PTPRM: variants seen among roughly 807,000 people sequenced by gnomAD.
PTPRM encodes the protein protein tyrosine phosphatase receptor type M.
A neutral mutation model predicts 186.7 loss-of-function variants in PTPRM; 47 were observed. That is an observed-to-expected ratio of 0.25 (90% CI 0.20 to 0.32). The LOEUF is 0.32. Among genes scored for constraint, PTPRM ranks in the 10% least tolerant of loss-of-function variants. PTPRM has a pLI of 1.00. For synonymous variants in PTPRM, 668 were observed against 674.9 expected (o/e 0.99, Z 0.16); for missense variants, 1,494 against 1,865.0 (o/e 0.80, Z 3.66).
At chr18:7,595,849 A>G (rs969457301) in intron 1 of PTPRM, among the ~76,000 whole-genome samples, 2 of 152,194 alleles carry the variant, frequency 1.3e-5, no homozygotes, top group African/African-American at 2.4e-5. Flanking sequence ...TTATTTACGT[A>G]GAACAAATCA....
chr18:7,978,278 T>C (rs79735308), intron 7 of PTPRM, among the ~76,000 whole-genome samples: 3,241 of 152,224 alleles, frequency 0.021, 42 homozygotes, highest in African/African-American at 0.044. Flanking sequence ...CATACAGATA[T>C]AAGCTGACAG....
intron 7 of PTPRM, among the ~76,000 whole-genome samples, chr18:8,067,476 T>G (rs1217158071): frequency 1.3e-5 from 2 of 152,240 alleles, no homozygotes; most frequent in Admixed American, 6.5e-5. Context: ...ACTCACGATT[T>G]CTTGGAGGAG....
chr18:8,370,448 A>G (rs1415030324), intron 23 of PTPRM, among the ~76,000 whole-genome samples: 1 of 152,240 alleles, frequency 6.6e-6, no homozygotes, highest in East Asian at 1.9e-4. Flanking sequence ...CAGAAAAAAT[A>G]TAATTCTAAT....
At chr18:8,344,474 A>ATATATCTC (rs1318982857) in intron 23 of PTPRM, among the ~76,000 whole-genome samples, 2 of 147,292 alleles carry the variant, frequency 1.4e-5, no homozygotes, top group African/African-American at 5.2e-5. Context: ...ATATATATAT[A>ATATATCTC]TCTAGCAAAA....
chr18:7,662,101 T>C, intron 1 of PTPRM, among the ~76,000 whole-genome samples: 1 of 143,644 alleles, frequency 7.0e-6, no homozygotes, highest in South Asian at 2.2e-4. Flanking sequence ...TGGCTAAATT[T>C]TTTTTTGTAT....
At chr18:7,796,455 T>A (rs2043653595) in intron 2 of PTPRM, among the ~76,000 whole-genome samples, 1 of 152,214 alleles carries the variant, frequency 6.6e-6, no homozygotes, top group Admixed American at 6.5e-5. Context: ...GTACACTTTT[T>A]ACCCTGCCTT....
chr18:7,875,624 A>G (rs1445217330), intron 2 of PTPRM, among the ~76,000 whole-genome samples: 2 of 152,146 alleles, frequency 1.3e-5, no homozygotes, highest in East Asian at 1.9e-4. Flanking sequence ...GTGCCCGGCC[A>G]ACATGCACCA....
At chr18:8,275,465 A>T (rs1175830870) in intron 19 of PTPRM, among the ~76,000 whole-genome samples, 1 of 152,146 alleles carries the variant, frequency 6.6e-6, no homozygotes, top group African/African-American at 2.4e-5. Context: ...AAAGACTTCA[A>T]TGGTTCCAGG....
At chr18:7,952,816 G>A (rs959183325) in intron 6 of PTPRM, among the ~76,000 whole-genome samples, 8 of 152,280 alleles carry the variant, frequency 5.3e-5, no homozygotes, top group African/African-American at 1.7e-4. Flanking sequence ...GACCAGCCCG[G>A]CCAACATGGT....
At chr18:7,979,202 C>T (rs1360441432) in intron 7 of PTPRM, among the ~76,000 whole-genome samples, 1 of 152,128 alleles carries the variant, frequency 6.6e-6, no homozygotes, top group African/African-American at 2.4e-5. Flanking sequence ...TTGTTCTGGC[C>T]ACCTTTGTCT....
At chr18:7,984,920 T>TGC (rs2082794866) in intron 7 of PTPRM, among the ~76,000 whole-genome samples, 1 of 105,430 alleles carries the variant, frequency 9.5e-6, no homozygotes, top group Non-Finnish European at 1.9e-5. Flanking sequence ...TAATTATATA[T>TGC]ACATATATAA....
At chr18:8,218,448 C>G (rs1215527575) in intron 14 of PTPRM, among the ~76,000 whole-genome samples, 2 of 152,094 alleles carry the variant, frequency 1.3e-5, no homozygotes, top group Non-Finnish European at 2.9e-5. Flanking sequence ...GACACTGTGC[C>G]TTGTGGAAGA....
intron 7 of PTPRM, among the ~76,000 whole-genome samples, chr18:8,064,572 G>C (rs1410537328): frequency 6.6e-6 from 1 of 152,052 alleles, no homozygotes; most frequent in Non-Finnish European, 1.5e-5. Context: ...GTATTCTGGA[G>C]GAAAAATATA....
intron 2 of PTPRM, among the ~76,000 whole-genome samples, chr18:7,839,907 C>T (rs572680347): frequency 3.4e-4 from 52 of 152,224 alleles, no homozygotes; most frequent in African/African-American, 1.1e-3. Context: ...GGTTTAAATG[C>T]TCCCTTCATG....
At chr18:7,874,622 T>C (rs1395600825) in intron 2 of PTPRM, among the ~76,000 whole-genome samples, 1 of 151,436 alleles carries the variant, frequency 6.6e-6, no homozygotes, top group Non-Finnish European at 1.5e-5. Flanking sequence ...AAGGTTTTAA[T>C]AGAAATGTAA....
At chr18:8,161,273 G>A (rs931417796) in intron 14 of PTPRM, among the ~76,000 whole-genome samples, 1 of 152,122 alleles carries the variant, frequency 6.6e-6, no homozygotes, top group Non-Finnish European at 1.5e-5. Flanking sequence ...GCATCTGTTG[G>A]TTGCAGTTTT....
chr18:7,604,318 T>G (rs976688457), intron 1 of PTPRM, among the ~76,000 whole-genome samples: 3 of 152,112 alleles, frequency 2.0e-5, no homozygotes, highest in Non-Finnish European at 4.4e-5. Flanking sequence ...ATGCAGGAGG[T>G]AAGGCTGGAG....
chr18:8,095,786 G>A (rs1319622722), intron 11 of PTPRM, among the ~76,000 whole-genome samples: 2 of 151,576 alleles, frequency 1.3e-5, no homozygotes, highest in Non-Finnish European at 2.9e-5. Flanking sequence ...CTTTTTAGAA[G>A]GAAAAAAAGA....
chr18:8,338,139 G>A (rs1407243418), intron 22 of PTPRM, among the ~76,000 whole-genome samples: 10 of 151,996 alleles, frequency 6.6e-5, no homozygotes, highest in Non-Finnish European at 1.3e-4. Context: ...TAGTCCTACC[G>A]GGTAAGCACA....
Sources: gnomAD v4.1 joint callset for allele counts (sites outside exome capture counted in the v4.1 genomes callset) on GRCh38, gnomAD v4.1.1 for gene constraint, MANE v1.5 for transcripts, NCBI Gene and HGNC (gene_info 2026-07-23, HGNC 2026-07-21) for gene names.